Variants in FBN2 observed in about 807,000 individuals in gnomAD.
FBN2 encodes the protein fibrillin-2.
Under a neutral mutation model 355.6 loss-of-function variants are expected in FBN2, and 105 were observed. That is an observed-to-expected ratio of 0.30 (90% confidence interval 0.25 to 0.35). FBN2 has a LOEUF of 0.35. FBN2 is among the 10% of genes least tolerant of loss of function. The probability of loss-of-function intolerance (pLI) is 1.00; values close to 1 mark genes in which losing one functional copy is unlikely to be tolerated. For synonymous variants in FBN2, 1,350 were observed against 1,301.2 expected (o/e 1.04, Z -0.81); for missense variants, 3,280 against 3,758.7 (o/e 0.87, Z 3.33).
chr5:128,386,505 G>A (rs1023664435), intron 11 of FBN2, among the ~76,000 whole-genome samples: 1 of 152,068 alleles, frequency 6.6e-6, no homozygotes, highest in Non-Finnish European at 1.5e-5. Flanking sequence ...GGCTATTCAG[G>A]CCATTTTTTT....
chr5:128,385,935 G>A (rs1000937349), intron 11 of FBN2, among the ~76,000 whole-genome samples: 2 of 151,818 alleles, frequency 1.3e-5, no homozygotes, highest in Non-Finnish European at 2.9e-5. Flanking sequence ...TTAGACCACT[G>A]TCAGAGGTGT....
intron 19 of FBN2, among the ~76,000 whole-genome samples, chr5:128,359,798 A>T (rs1751590921): frequency 1.3e-5 from 2 of 151,846 alleles, no homozygotes; most frequent in East Asian, 3.9e-4. Flanking sequence ...ACCAGCTCCT[A>T]CTCTTAACTG....
At position 128,319,082 on chromosome 5, in the gene FBN2, T is replaced by G. The variant is rs1750294571; in HGVS notation, c.4472-81A>C. On this transcript the variant is annotated intron_variant, in intron 34 of 64. Transcript: ENST00000262464. ...ATGTAATGTCTAACATTAGCGCATT[T>G]TTCTGCCCCCTCAGATGTTTTTATT... 3 of 1,153,538 alleles carry G rather than the reference T, an allele frequency of 2.6e-6. No individual in the cohort carries two copies. The East Asian group carries it at 7.6e-5, about 29-fold the overall frequency. The allele number at this position is 1,153,538 out of a possible 1,614,324, so 71.5% of individuals were successfully genotyped here.
In FBN2 at chr5:128,259,414, G is replaced by A. The variant is rs950384276; in HGVS notation, c.*41C>T. On this transcript the variant is annotated 3_prime_UTR_variant, in exon 65 of 65. Coordinates refer to ENST00000262464, the MANE Select transcript of FBN2 (RefSeq NM_001999.4). ...ACTTTTCAAATGCTTCTGCAGACTG[G>A]CTGTGCTAGGATTTGAGCCTGGGCC... 1.9e-6 allele frequency: 3 copies of A among 1,610,082 alleles called. No individual in the cohort carries two copies. The African/African-American group carries it at 4.0e-5, about 22-fold the overall frequency.
intron 7 of FBN2, among the ~76,000 whole-genome samples, chr5:128,417,765 G>A (rs985241421): frequency 6.6e-6 from 1 of 151,912 alleles, no homozygotes; most frequent in African/African-American, 2.4e-5. Context: ...ATTTTGTTGG[G>A]GATTTTTACG....
chr5:128,311,902 A>G lies in FBN2; in HGVS notation c.4931T>C (p.Ile1644Thr), dbSNP rs1165587351. The G allele has an allele frequency of 6.2e-7, 1 of 1,610,936 alleles. No homozygotes were observed. The highest frequency in any genetic ancestry group is 8.5e-7 in the Non-Finnish European group (1 of 1,177,312). Residue 1644 changes from isoleucine (I) to threonine (T), a missense_variant, in exon 38 of 65, where the codon ATC becomes ACC. Transcript: ENST00000262464. ...TAGCTCACCTTCTAAAATGATTGTGATGGGGTTAGGTCTGAAGCCTTCACC... is the reference window on the plus strand; with the variant it reads ...TAGCTCACCTTCTAAAATGATTGTGGTGGGGTTAGGTCTGAAGCCTTCACC... ...PGGEGFRPNP[I>T]TIILEDIDEC...
At chr5:128,297,495 G>A (rs1172118059) in intron 48 of FBN2, among the ~76,000 whole-genome samples, 2 of 152,088 alleles carry the variant, frequency 1.3e-5, no homozygotes, top group Non-Finnish European at 2.9e-5. Context: ...GGTCACTCAG[G>A]ACTTGCTTTA....
intron 5 of FBN2, among the ~76,000 whole-genome samples, chr5:128,503,623 G>A (rs1755874512): frequency 6.6e-6 from 1 of 152,156 alleles, no homozygotes; most frequent in South Asian, 2.1e-4. Flanking sequence ...GAGGTCTGTG[G>A]AACTTCGAGC....
At chr5:128,330,361 C>T (rs150605546) in intron 33 of FBN2, among the ~76,000 whole-genome samples, 47 of 152,144 alleles carry the variant, frequency 3.1e-4, no homozygotes, top group Admixed American at 1.7e-3. Context: ...GTTACAAATG[C>T]CGTTATTTGA....
chr5:128,473,125 T>A (rs1754917341), intron 5 of FBN2, among the ~76,000 whole-genome samples: 1 of 152,174 alleles, frequency 6.6e-6, no homozygotes, highest in East Asian at 1.9e-4. Context: ...TTTTCTGTAA[T>A]CTAATTCCTG....
intron 6 of FBN2, among the ~76,000 whole-genome samples, chr5:128,462,321 C>T (rs914978414): frequency 2.0e-5 from 3 of 152,162 alleles, no homozygotes; most frequent in Middle Eastern, 6.8e-3. Context: ...TGCCCCATCT[C>T]TTCCAAACTA....
chr5:128,378,827 T>C lies in FBN2; in HGVS notation c.1667A>G (p.Tyr556Cys), dbSNP rs773402237. The C allele has an allele frequency of 1.2e-6, 2 of 1,613,242 alleles. No homozygotes were observed. The highest frequency in any genetic ancestry group is 1.7e-6 in the Non-Finnish European group (2 of 1,179,370). ...GAATCCAGCATGACATTTACAATAATAGGAACCAGGTGTGTTAACACAATC... is the reference window on the plus strand; with the variant it reads ...GAATCCAGCATGACATTTACAATAACAGGAACCAGGTGTGTTAACACAATC... ...NGDCVNTPGS[Y>C]YCKCHAGFQR... The change falls in exon 12 of 65, where the codon TAT becomes TGT. Residue 556 changes from tyrosine (Y) to cysteine (C), a missense_variant. Transcript: ENST00000262464.
At chr5:128,482,485 G>A (rs1755219139) in intron 5 of FBN2, among the ~76,000 whole-genome samples, 1 of 152,010 alleles carries the variant, frequency 6.6e-6, no homozygotes, top group African/African-American at 2.4e-5. Context: ...TTTGGGTTTT[G>A]TCTTTTTTGC....
At chr5:128,373,182 C>T (rs981931429) in intron 15 of FBN2, among the ~76,000 whole-genome samples, 3 of 152,100 alleles carry the variant, frequency 2.0e-5, no homozygotes, top group Admixed American at 6.6e-5. Context: ...AGCAACAACT[C>T]GCATGTTGGT....
At chr5:128,381,650 A>G (rs969100111) in intron 11 of FBN2, among the ~76,000 whole-genome samples, 1 of 152,136 alleles carries the variant, frequency 6.6e-6, no homozygotes, top group Non-Finnish European at 1.5e-5. Context: ...TACTAAGCTA[A>G]GTCTCTATGA....
At position 128,499,349 on chromosome 5, in the gene FBN2, C is replaced by T. The variant is rs148741582; in HGVS notation, c.628+19924G>A. On this transcript the variant is annotated intron_variant, in intron 5 of 64. Transcript: ENST00000262464. ...TTAAGCCTAGCTAATTATAAAAATGCCCTGGGGTACTTTGTAAGGGCCTCA... is the reference window on the plus strand; with the variant it reads ...TTAAGCCTAGCTAATTATAAAAATGTCCTGGGGTACTTTGTAAGGGCCTCA... Among the ~76,000 whole-genome samples the T allele has an allele frequency of 1.9e-3, 284 of 152,114 alleles. 2 individuals carry two copies. The highest frequency in any genetic ancestry group is 6.5e-3 in the African/African-American group (270 of 41,478).
rs149319443 is a variant in FBN2, at chr5:128,470,137, T to C, written c.629-5216A>G. Among the ~76,000 whole-genome samples, 48 of 152,234 alleles carry C rather than the reference T, an allele frequency of 3.2e-4. No individual in the cohort carries two copies. In the East Asian group the frequency reaches 7.5e-3, roughly 24 times the overall value. On this transcript the variant is annotated intron_variant, in intron 5 of 64. Coordinates refer to ENST00000262464, the MANE Select transcript of FBN2 (RefSeq NM_001999.4). Reference sequence around the variant, plus strand: ...GTCTGCTGAGGAAACAGGAAATGGATAGCCAGAGAGATGGGAGAGCAACAG... The same window carrying C: ...GTCTGCTGAGGAAACAGGAAATGGACAGCCAGAGAGATGGGAGAGCAACAG...
intron 20 of FBN2, among the ~76,000 whole-genome samples, chr5:128,353,615 C>G (rs908331880): frequency 6.6e-6 from 1 of 152,146 alleles, no homozygotes; most frequent in African/African-American, 2.4e-5. Flanking sequence ...GATTTATCAC[C>G]TTGTCATCAT....
chr5:128,263,141 G>T (rs999826914), intron 63 of FBN2, among the ~76,000 whole-genome samples: 1 of 152,286 alleles, frequency 6.6e-6, no homozygotes, highest in Non-Finnish European at 1.5e-5. Context: ...TTTGTCTCTG[G>T]CCTTGGGTCA....
Sources: gnomAD v4.1 joint callset for allele counts (sites outside exome capture counted in the v4.1 genomes callset) on GRCh38, gnomAD v4.1.1 for gene constraint, MANE v1.5 for transcripts, NCBI Gene and HGNC (gene_info 2026-07-23, HGNC 2026-07-21) for gene names.